The following UNC13C variants were observed in gnomAD, a reference collection of about 807,000 sequenced individuals.
UNC13C encodes the protein unc-13 homolog C, also known as protein unc-13 homolog C.
A neutral mutation model predicts 245.4 loss-of-function variants in UNC13C; 174 were observed. The ratio of observed to expected loss-of-function variants is 0.71; its 90% confidence interval spans 0.63 to 0.80. The LOEUF is 0.80. Ranked by LOEUF, UNC13C falls within the 30% of genes least tolerant of loss-of-function variation. The pLI is 0.00. For synonymous variants in UNC13C, 992 were observed against 895.1 expected (o/e 1.11, Z -1.93); for missense variants, 2,829 against 2,602.9 (o/e 1.09, Z -1.89).
chr15:54,264,391 T>A lies in UNC13C; in HGVS notation c.3672T>A (p.Ile1224=). 1 of 1,580,792 alleles carries A rather than the reference T, an allele frequency of 6.3e-7. No individual in the cohort carries two copies. The highest frequency in any genetic ancestry group is 8.6e-7 in the Non-Finnish European group (1 of 1,161,908). Residue 1224 remains isoleucine, a synonymous_variant, in exon 9 of 33, where the codon ATT becomes ATA. Coordinates refer to ENST00000260323, the MANE Select transcript of UNC13C (RefSeq NM_001080534.3). ...CTAAGTGGTCTGCAAAAATAACCAT[T>A]ACAGGTAAAAATAAGTCTTCTTAAA... The part of the protein sequence containing the change: ...GTSKWSAKIT[I]TVVSAQGLQA...
intron 29 of UNC13C, among the ~76,000 whole-genome samples, chr15:54,560,024 G>A (rs576511665): frequency 6.6e-6 from 1 of 152,050 alleles, no homozygotes; most frequent in African/African-American, 2.4e-5. Flanking sequence ...AGTTGTGGTA[G>A]AAAATAATTT....
At chr15:54,626,720 A>G (rs1293468284) in intron 32 of UNC13C, 108 bp from the exon 33 acceptor site, 3 of 1,021,776 alleles carry the variant, frequency 2.9e-6, no homozygotes, top group Non-Finnish European at 4.2e-6. Context: ...ATTTGCCAAC[A>G]TAATAATCAG....
At chr15:54,418,218 G>A (rs113992639) in intron 19 of UNC13C, among the ~76,000 whole-genome samples, 280 of 152,102 alleles carry the variant, frequency 1.8e-3, no homozygotes, top group African/African-American at 6.4e-3. Flanking sequence ...TTTTACATTA[G>A]CAAACACAGC....
intron 4 of UNC13C, among the ~76,000 whole-genome samples, chr15:54,172,438 G>A (rs1346518383): frequency 2.6e-5 from 4 of 151,500 alleles, no homozygotes; most frequent in Non-Finnish European, 4.4e-5. Flanking sequence ...ATATGAATGA[G>A]GTAATACAGT....
intron 17 of UNC13C, among the ~76,000 whole-genome samples, chr15:54,351,243 C>T (rs976418824): frequency 1.3e-5 from 2 of 152,048 alleles, no homozygotes; most frequent in Non-Finnish European, 2.9e-5. Flanking sequence ...TACAGGATAT[C>T]CAGTGAAGTG....
At chr15:54,061,162 CA>C (rs11447478) in intron 2 of UNC13C, among the ~76,000 whole-genome samples, 50 of 143,066 alleles carry the variant, frequency 3.5e-4, no homozygotes, top group East Asian at 1.8e-3. Flanking sequence ...ATAAAAAAGA[CA>C]AAAAAAAAAG....
At chr15:54,380,217 C>T (rs1226146004) in intron 17 of UNC13C, among the ~76,000 whole-genome samples, 3 of 150,534 alleles carry the variant, frequency 2.0e-5, no homozygotes, top group African/African-American at 7.3e-5. Flanking sequence ...TTTTTAGGTT[C>T]CATACATGAG....
chr15:54,222,302 A>G (rs1166913133), intron 4 of UNC13C, among the ~76,000 whole-genome samples: 1 of 151,682 alleles, frequency 6.6e-6, no homozygotes, highest in African/African-American at 2.4e-5. Flanking sequence ...CTCCATGAGT[A>G]CAATTGTTTT....
At chr15:54,186,371 A>G (rs2033984050) in intron 4 of UNC13C, among the ~76,000 whole-genome samples, 1 of 152,090 alleles carries the variant, frequency 6.6e-6, no homozygotes, top group Admixed American at 6.6e-5. Context: ...AATGTAGTTT[A>G]AATTTCCTTT....
At chr15:54,343,752 C>T (rs1429881057) in intron 17 of UNC13C, among the ~76,000 whole-genome samples, 2 of 152,070 alleles carry the variant, frequency 1.3e-5, no homozygotes, top group Non-Finnish European at 2.9e-5. Flanking sequence ...AGGAAGGCTA[C>T]CCCAATAGGA....
At chr15:53,897,740 G>A in the UNC13C span, among the ~76,000 whole-genome samples, 3 of 152,134 alleles carry the variant, frequency 2.0e-5, no homozygotes, top group Non-Finnish European at 2.9e-5. Context: ...GACACTCTAC[G>A]TAGACCCCTT....
Position 54,228,386 on chromosome 15 carries a change from C to G in UNC13C, c.3072-6644C>G, listed in dbSNP as rs2035455448. On this transcript the variant is annotated intron_variant, in intron 4 of 32. Transcript: ENST00000260323. ...GTACCTAAGCTGCAAGACAAAATCT[C>G]CTTCACCCTTTTCTCTCCGTTTCTC... is the stretch of plus-strand genomic sequence containing the variant. Among the ~76,000 whole-genome samples the G allele has an allele frequency of 3.9e-5, 6 of 151,972 alleles. No homozygotes were observed. The South Asian group carries it at 1.2e-3, about 32-fold the overall frequency.
At chr15:53,838,786 T>G in the UNC13C span, among the ~76,000 whole-genome samples, 9,893 of 152,060 alleles carry the variant, frequency 0.065, 554 homozygotes, top group Admixed American at 0.17. Flanking sequence ...CTGGAAGAGC[T>G]TGTTAAAACA....
chr15:54,031,809 C>T lies in UNC13C; in HGVS notation c.2983+15923C>T, dbSNP rs935518627. 3.3e-5 allele frequency among the ~76,000 whole-genome samples: 5 copies of T among 152,108 alleles called. No homozygotes were observed. The East Asian group carries it at 7.7e-4, about 23-fold the overall frequency. Reference sequence around the variant, plus strand: ...TTTGATATGGCTGCATAAAATTAAGCATAATTATAGTCAAGTATGTTATCT... The same window carrying T: ...TTTGATATGGCTGCATAAAATTAAGTATAATTATAGTCAAGTATGTTATCT... On this transcript the variant is annotated intron_variant, in intron 2 of 32. Transcript: ENST00000260323.
At chr15:53,921,203 A>G in the UNC13C span, among the ~76,000 whole-genome samples, 1 of 152,102 alleles carries the variant, frequency 6.6e-6, no homozygotes. Context: ...TTTACTCTAA[A>G]TGTGTATGGG....
At chr15:54,324,423 T>G (rs2038241485) in intron 14 of UNC13C, among the ~76,000 whole-genome samples, 1 of 152,086 alleles carries the variant, frequency 6.6e-6, no homozygotes, top group African/African-American at 2.4e-5. Context: ...AAAACCATTT[T>G]ACATTTAGAC....
intron 2 of UNC13C, among the ~76,000 whole-genome samples, chr15:54,039,908 A>AC (rs1344441446): frequency 7.2e-6 from 1 of 139,208 alleles, no homozygotes; most frequent in East Asian, 2.1e-4. Context: ...TCTTCCCTTG[A>AC]CCCCCACCAG....
intron 19 of UNC13C, among the ~76,000 whole-genome samples, chr15:54,487,957 C>T (rs1369062142): frequency 6.6e-6 from 1 of 151,854 alleles, no homozygotes; most frequent in Non-Finnish European, 1.5e-5. Context: ...AACCTTTAAC[C>T]TTGTTAACAC....
the UNC13C span, among the ~76,000 whole-genome samples, chr15:53,839,971 C>A: frequency 2.4e-3 from 364 of 152,112 alleles, 1 homozygote; most frequent in African/African-American, 8.6e-3. Context: ...CTGTTTTTTA[C>A]CATTCTTCCC....
Sources: gnomAD v4.1 joint callset for allele counts (sites outside exome capture counted in the v4.1 genomes callset) on GRCh38, gnomAD v4.1.1 for gene constraint, MANE v1.5 for transcripts, NCBI Gene and HGNC (gene_info 2026-07-23, HGNC 2026-07-21) for gene names.